ARID5B: variants seen among roughly 807,000 people sequenced by gnomAD.
ARID5B encodes the protein AT-rich interactive domain-containing protein 5B.
Under a neutral mutation model 97.2 loss-of-function variants are expected in ARID5B, and 13 were observed. The ratio of observed to expected loss-of-function variants is 0.13; its 90% CI spans 0.09 to 0.21. The LOEUF (loss-of-function observed/expected upper bound fraction) is 0.21, where lower values mean the gene tolerates loss of function less well. ARID5B is among the 10% of genes least tolerant of loss of function. The pLI is 1.00. For synonymous variants in ARID5B, 556 were observed against 570.3 expected (o/e 0.97, Z 0.36); for missense variants, 1,210 against 1,465.3 (o/e 0.83, Z 2.84).
chr10:62,073,919 A>G (rs570161662), intron 8 of ARID5B, among the ~76,000 whole-genome samples: 21 of 152,372 alleles, frequency 1.4e-4, no homozygotes, highest in African/African-American at 5.0e-4. Context: ...ACTTAAAAGT[A>G]ACCAGTTCAC....
At chr10:61,972,225 CTTTTTTTTT>C (rs71022106) in intron 3 of ARID5B, among the ~76,000 whole-genome samples, 1 of 112,708 alleles carries the variant, frequency 8.9e-6, no homozygotes, top group Admixed American at 1.0e-4. Context: ...TTATATCATG[CTTTTTTTTT>C]TTTTTTTTTT....
intron 3 of ARID5B, among the ~76,000 whole-genome samples, chr10:61,988,602 C>CCTGTT (rs1838878223): frequency 2.0e-5 from 3 of 152,182 alleles, no homozygotes; most frequent in Admixed American, 2.0e-4. Context: ...GGCTTTTCCT[C>CCTGTT]CTGTTCTGTT....
At chr10:62,037,639 A>T (rs1839582726) in intron 4 of ARID5B, among the ~76,000 whole-genome samples, 1 of 152,356 alleles carries the variant, frequency 6.6e-6, no homozygotes, top group Non-Finnish European at 1.5e-5. Flanking sequence ...TTCAGAGGTC[A>T]GCAAAAACCG....
At chr10:62,087,142 A>G (rs182247262) in intron 9 of ARID5B, among the ~76,000 whole-genome samples, 40 of 151,662 alleles carry the variant, frequency 2.6e-4, no homozygotes, top group African/African-American at 9.2e-4. Flanking sequence ...TACTAAAAAT[A>G]CAAAAAATTA....
rs771531834 is a variant in ARID5B, at chr10:61,940,363, A to G, written c.457A>G (p.Ser153Gly). Reference protein sequence around the residue: ...LLKYRQSTLNSGLNFKDVLKE... With the variant: ...LLKYRQSTLNGGLNFKDVLKE... ...GAAGTACAGGCAGTCAACCCTAAAC[A>G]GTGGACTCAACTTCAAAGACGTTCT... Residue 153 changes from serine to glycine, a missense_variant, in exon 3 of 10, where the codon AGT becomes GGT. This residue lies in a region of ARID5B where 82 missense variants were observed against 79.3 expected (regional missense o/e 1.03). Coordinates refer to ENST00000279873, the MANE Select transcript of ARID5B (RefSeq NM_032199.3). 9 of 1,614,000 alleles carry G rather than the reference A, an allele frequency of 5.6e-6. No individual in the cohort carries two copies. The East Asian group carries it at 1.3e-4, about 24-fold the overall frequency.
chr10:61,985,874 G>A (rs554089246), intron 3 of ARID5B, among the ~76,000 whole-genome samples: 10 of 152,180 alleles, frequency 6.6e-5, no homozygotes, highest in African/African-American at 2.2e-4. Context: ...TTGTGCTGGC[G>A]AGGTGTGTTC....
intron 7 of ARID5B, among the ~76,000 whole-genome samples, chr10:62,059,590 C>T (rs1222528188): frequency 1.3e-5 from 2 of 152,132 alleles, no homozygotes; most frequent in East Asian, 1.9e-4. Context: ...TATTATTGTA[C>T]AACAAGCCAA....
chr10:62,059,612 A>G (rs944731743), intron 7 of ARID5B, among the ~76,000 whole-genome samples: 1 of 152,226 alleles, frequency 6.6e-6, no homozygotes, highest in Non-Finnish European at 1.5e-5. Context: ...ATTGCATAAA[A>G]GAAATTTCCC....
intron 2 of ARID5B, among the ~76,000 whole-genome samples, chr10:61,915,908 AC>A (rs1843894581): frequency 6.6e-6 from 1 of 152,102 alleles, no homozygotes; most frequent in South Asian, 2.1e-4. Flanking sequence ...GGTGCCCACC[AC>A]CATGCCTGGC....
chr10:62,072,835 G>A (rs1840082263), intron 8 of ARID5B, among the ~76,000 whole-genome samples: 1 of 152,186 alleles, frequency 6.6e-6, no homozygotes, highest in South Asian at 2.1e-4. Flanking sequence ...AAAAAGCTAG[G>A]ATTACCGTTC....
At chr10:62,052,245 A>T (rs1048252745) in intron 5 of ARID5B, among the ~76,000 whole-genome samples, 2 of 152,236 alleles carry the variant, frequency 1.3e-5, no homozygotes, top group Non-Finnish European at 2.9e-5. Flanking sequence ...CTCCACATGG[A>T]TGCCATGAAT....
At chr10:61,957,321 T>A (rs1838405083) in intron 3 of ARID5B, among the ~76,000 whole-genome samples, 1 of 152,200 alleles carries the variant, frequency 6.6e-6, no homozygotes, top group Non-Finnish European at 1.5e-5. Context: ...CAGGCTGGAG[T>A]GCAGTGGTGC....
At chr10:62,008,592 T>G (rs1839176884) in intron 4 of ARID5B, among the ~76,000 whole-genome samples, 1 of 152,220 alleles carries the variant, frequency 6.6e-6, no homozygotes, top group Non-Finnish European at 1.5e-5. Flanking sequence ...GAAACCCTGG[T>G]GCCAGCCACC....
At chr10:62,013,811 T>TAC (rs1839249595) in intron 4 of ARID5B, among the ~76,000 whole-genome samples, 1 of 150,126 alleles carries the variant, frequency 6.7e-6, no homozygotes, top group African/African-American at 2.4e-5. Flanking sequence ...TATATATATA[T>TAC]ATATACCACA....
At chr10:62,010,472 G>A (rs969990777) in intron 4 of ARID5B, among the ~76,000 whole-genome samples, 14 of 152,172 alleles carry the variant, frequency 9.2e-5, no homozygotes, top group Non-Finnish European at 1.9e-4. Flanking sequence ...AACTCTGCTA[G>A]ATCCGAGAGG....
chr10:62,060,396 C>A (rs1437777898), intron 7 of ARID5B, among the ~76,000 whole-genome samples: 2 of 152,040 alleles, frequency 1.3e-5, no homozygotes, highest in Non-Finnish European at 2.9e-5. Flanking sequence ...ATAATATGTG[C>A]TTGTAATATG....
chr10:61,968,680 A>G (rs1838581670), intron 3 of ARID5B, among the ~76,000 whole-genome samples: 2 of 152,204 alleles, frequency 1.3e-5, no homozygotes, highest in Non-Finnish European at 2.9e-5. Flanking sequence ...TTTATGATAC[A>G]GTGCCCTTGA....
At chr10:62,026,578 ATATT>A (rs1051507730) in intron 4 of ARID5B, among the ~76,000 whole-genome samples, 14 of 152,202 alleles carry the variant, frequency 9.2e-5, no homozygotes, top group Non-Finnish European at 1.6e-4. Flanking sequence ...TAAAAAAATT[ATATT>A]TATTTCCTTG....
intron 4 of ARID5B, among the ~76,000 whole-genome samples, chr10:62,021,411 A>G (rs1167316855): frequency 1.3e-5 from 2 of 152,186 alleles, no homozygotes; most frequent in Non-Finnish European, 2.9e-5. Context: ...TGGAGTATTT[A>G]TTTAGAAATA....
Sources: gnomAD v4.1 joint callset for allele counts (sites outside exome capture counted in the v4.1 genomes callset) on GRCh38, gnomAD v4.1.1 for gene constraint, gnomAD v4.1.1 regional missense constraint, MANE v1.5 for transcripts, NCBI Gene and HGNC (gene_info 2026-07-23, HGNC 2026-07-21) for gene names.